Variants in HLCS observed in about 807,000 individuals in gnomAD.
HLCS encodes holocarboxylase synthetase.
HLCS carries 53 observed loss-of-function variants against 75.0 expected under a neutral mutation model. The observed-to-expected ratio is 0.71, with a 90% CI of 0.57 to 0.89. The LOEUF (loss-of-function observed/expected upper bound fraction) is 0.89, where lower values mean the gene tolerates loss of function less well. Among genes scored for constraint, HLCS ranks in the 40% least tolerant of loss-of-function variants. HLCS has a pLI of 0.00. For synonymous variants in HLCS, 431 were observed against 428.6 expected (o/e 1.01, Z -0.07); for missense variants, 966 against 1,074.0 (o/e 0.90, Z 1.41).
intron 6 of HLCS, among the ~76,000 whole-genome samples, chr21:36,782,262 T>C (rs888376140): frequency 2.6e-5 from 4 of 152,206 alleles, no homozygotes; most frequent in Admixed American, 2.6e-4. Context: ...AAAAAAAAAT[T>C]TCTGCCAATG....
chr21:36,769,042 C>T (rs891792898), intron 6 of HLCS, among the ~76,000 whole-genome samples: 1 of 151,988 alleles, frequency 6.6e-6, no homozygotes, highest in Non-Finnish European at 1.5e-5. Context: ...AACATGTAGA[C>T]GGTAGACAGT....
chr21:36,831,384 G>A (rs1363506772), intron 6 of HLCS, among the ~76,000 whole-genome samples: 1 of 152,122 alleles, frequency 6.6e-6, no homozygotes, highest in Non-Finnish European at 1.5e-5. Context: ...TCAGAATATA[G>A]AAATAAAGTT....
rs117717496 is a variant in HLCS at position 36,875,154 on chromosome 21, G to A, written c.1892+21706C>T. Among the ~76,000 whole-genome samples the A allele has an allele frequency of 6.6e-4, 100 of 152,286 alleles. 1 individual carries two copies. The East Asian group carries it at 0.018, about 27-fold the overall frequency. On this transcript the variant is annotated intron_variant, in intron 6 of 10. Transcript: ENST00000674895. ...GGTGCCCCTCAGCATAGACAGCTGG[G>A]CACCACGGACAGCATGTTGATGGCA...
At chr21:36,944,627 G>A (rs1229765677) in intron 2 of HLCS, among the ~76,000 whole-genome samples, 5 of 151,718 alleles carry the variant, frequency 3.3e-5, no homozygotes, top group Admixed American at 3.3e-4. Context: ...TGTTGTTGTT[G>A]TTCCATTTGT....
Position 36,835,297 on chromosome 21 carries a change from G to A in HLCS, c.1892+61563C>T, listed in dbSNP as rs561655754. 9.9e-5 allele frequency among the ~76,000 whole-genome samples: 15 copies of A among 152,270 alleles called. No individual in the cohort carries two copies. In the South Asian group the frequency reaches 2.5e-3, roughly 25 times the overall value. On this transcript the variant is annotated intron_variant, in intron 6 of 10. Coordinates refer to ENST00000674895, the MANE Select transcript of HLCS (RefSeq NM_001352514.2). Reference sequence around the variant, plus strand: ...CCAAGGATCTTTTCAGTACGAATATGCCTATACAAACCCCACAGAAATCAG... The same window carrying A: ...CCAAGGATCTTTTCAGTACGAATATACCTATACAAACCCCACAGAAATCAG...
intron 10 of HLCS, among the ~76,000 whole-genome samples, chr21:36,755,294 G>C (rs1041288070): frequency 2.6e-5 from 4 of 151,782 alleles, no homozygotes; most frequent in Non-Finnish European, 5.9e-5. Flanking sequence ...TCAGCTACTT[G>C]GGAGGCTGAG....
chr21:36,781,751 A>G (rs1016582343), intron 6 of HLCS, among the ~76,000 whole-genome samples: 1 of 152,150 alleles, frequency 6.6e-6, no homozygotes, highest in South Asian at 2.1e-4. Flanking sequence ...AATGCCAAAC[A>G]GAGGTGGAGA....
intron 2 of HLCS, among the ~76,000 whole-genome samples, chr21:36,947,032 G>A (rs974670871): frequency 5.3e-5 from 8 of 152,176 alleles, no homozygotes; most frequent in African/African-American, 9.7e-5. Context: ...ACAGGGAAAC[G>A]AACAGGGCAA....
chr21:36,966,703 G>T, upstream of HLCS: 1 of 841,888 alleles, frequency 1.2e-6, no homozygotes, highest in Non-Finnish European at 1.4e-6. Flanking sequence ...GCCCGGCCCC[G>T]CCCCGGCCGG....
At chr21:36,935,940 A>G (rs1352728353) in intron 4 of HLCS, among the ~76,000 whole-genome samples, 3 of 152,234 alleles carry the variant, frequency 2.0e-5, no homozygotes, top group Non-Finnish European at 2.9e-5. Flanking sequence ...GTGACAAAAC[A>G]TAAGAAAGGA....
At chr21:36,966,877 A>G (rs546207461), upstream of HLCS, among the ~76,000 whole-genome samples, 1 of 136,266 alleles carries the variant, frequency 7.3e-6, no homozygotes, top group Admixed American at 7.2e-5. Context: ...GGCCGCGCCC[A>G]GGGCTGGTGG....
At chr21:36,971,894 G>A (rs1012364436) in intron 1 of HLCS, 1 of 151,380 alleles carries the variant, frequency 6.6e-6, no homozygotes, top group African/African-American at 2.4e-5. Flanking sequence ...TTAAATATTC[G>A]AAAAGAATGT....
intron 8 of HLCS, among the ~76,000 whole-genome samples, chr21:36,760,737 C>G (rs1283374003): frequency 2.0e-5 from 3 of 152,116 alleles, no homozygotes; most frequent in Non-Finnish European, 4.4e-5. Flanking sequence ...ATTGCCTCTG[C>G]GTCTTGAATG....
chr21:36,852,135 C>T (rs1485880528), intron 6 of HLCS: 2 of 152,246 alleles, frequency 1.3e-5, no homozygotes, highest in Non-Finnish European at 2.9e-5. Flanking sequence ...TGCAGAGATG[C>T]TCTGAGGATG....
chr21:36,857,953 C>G (rs972628174), intron 6 of HLCS, among the ~76,000 whole-genome samples: 4 of 151,932 alleles, frequency 2.6e-5, no homozygotes, highest in African/African-American at 9.7e-5. Flanking sequence ...CCACACCCGG[C>G]TAATTTTTGT....
At chr21:36,879,127 A>AC (rs1260934385) in intron 6 of HLCS, among the ~76,000 whole-genome samples, 5 of 1,696 alleles carry the variant, frequency 2.9e-3, no homozygotes, top group Non-Finnish European at 4.0e-3. Context: ...TCTTGAACAA[A>AC]AATAATTGGA....
At position 36,770,141 on chromosome 21, in the gene HLCS, C is replaced by CTT. The variant is rs902358188; in HGVS notation, c.1893-2858_1893-2857dup. Among the ~76,000 whole-genome samples, 829 of 103,540 alleles carry CTT rather than the reference C, an allele frequency of 8.0e-3. 5 individuals are homozygous for CTT. The highest frequency in any genetic ancestry group is 9.3e-3 in the Non-Finnish European group (498 of 53,384). 67.9% of individuals were successfully genotyped at this position (103,540 alleles called of 152,430 possible). On this transcript the variant is annotated intron_variant, in intron 6 of 10. Transcript: ENST00000674895. Reference sequence around the variant, plus strand: ...AAAGCAGCATACAAAACTATAGATGCTTTTTTTTTTTTTTTTTTTTTTGAG... The same window carrying CTT: ...AAAGCAGCATACAAAACTATAGATGCTTTTTTTTTTTTTTTTTTTTTTTTGAG...
At chr21:36,826,492 T>G (rs1266679895) in intron 6 of HLCS, among the ~76,000 whole-genome samples, 1 of 152,232 alleles carries the variant, frequency 6.6e-6, no homozygotes, top group Non-Finnish European at 1.5e-5. Context: ...AACGAAACTC[T>G]GCTTTTCTTG....
chr21:36,950,218 A>G (rs989860458), intron 2 of HLCS, among the ~76,000 whole-genome samples: 3 of 152,166 alleles, frequency 2.0e-5, no homozygotes, highest in Admixed American at 6.5e-5. Flanking sequence ...CCCTGGGATC[A>G]AGTCCAAATT....
Sources: allele counts gnomAD v4.1 joint callset (sites outside exome capture counted in the v4.1 genomes callset), GRCh38; gene constraint gnomAD v4.1.1; transcripts MANE v1.5; gene names NCBI Gene and HGNC (gene_info 2026-07-23, HGNC 2026-07-21).